NKAIN3: variants seen among roughly 807,000 people sequenced by gnomAD.
NKAIN3 encodes sodium/potassium-transporting ATPase subunit beta-1-interacting protein 3.
NKAIN3 carries 25 observed loss-of-function variants against 30.2 expected under a neutral mutation model. The observed-to-expected ratio is 0.83, with a 90% CI of 0.60 to 1.16. The LOEUF is 1.16. NKAIN3 is among the 50% of genes most tolerant of loss of function. The pLI is 0.00. For missense variants in NKAIN3, 225 were observed against 254.1 expected, an observed-to-expected ratio of 0.89 and a Z score of 0.78; for synonymous variants, 91 against 89.6, an observed-to-expected ratio of 1.02 and a Z score of -0.09.
chr8:62,937,112 CA>C (rs112238478), intron 5 of NKAIN3, among the ~76,000 whole-genome samples: 5,617 of 151,700 alleles, frequency 0.037, 278 homozygotes, highest in East Asian at 0.12. Context: ...TTCAGTTGAC[CA>C]AAAACCCTTC....
At chr8:62,540,861 G>T (rs949385563) in intron 1 of NKAIN3, among the ~76,000 whole-genome samples, 83 of 151,982 alleles carry the variant, frequency 5.5e-4, no homozygotes, top group African/African-American at 2.0e-3. Flanking sequence ...AAGATGTTTT[G>T]TTTTTTCTTA....
At chr8:62,299,591 A>G (rs1813971146) in intron 1 of NKAIN3, among the ~76,000 whole-genome samples, 1 of 152,170 alleles carries the variant, frequency 6.6e-6, no homozygotes. Flanking sequence ...TATGAAGTCA[A>G]GATTTATATT....
intron 1 of NKAIN3, among the ~76,000 whole-genome samples, chr8:62,497,197 G>GA (rs35888712): frequency 0.074 from 11,166 of 151,846 alleles, 517 homozygotes; most frequent in African/African-American, 0.13. Context: ...ATTGCTATTA[G>GA]AAAAAATCAA....
At chr8:62,937,627 A>C (rs563331385) in intron 5 of NKAIN3, among the ~76,000 whole-genome samples, 1 of 152,198 alleles carries the variant, frequency 6.6e-6, no homozygotes, top group African/African-American at 2.4e-5. Flanking sequence ...ACGAGGAGAA[A>C]GAAACTCCCT....
intron 4 of NKAIN3, among the ~76,000 whole-genome samples, chr8:62,839,312 A>C (rs72653287): frequency 0.081 from 12,373 of 151,928 alleles, 557 homozygotes; most frequent in South Asian, 0.14. Context: ...TTAAAAAAAA[A>C]AAAACAAAAA....
At chr8:62,300,309 A>G (rs1030177773) in intron 1 of NKAIN3, among the ~76,000 whole-genome samples, 3 of 152,160 alleles carry the variant, frequency 2.0e-5, no homozygotes, top group African/African-American at 4.8e-5. Context: ...TGTATAAACA[A>G]TATTAAATTA....
chr8:62,783,616 T>C (rs1428148537), intron 4 of NKAIN3, among the ~76,000 whole-genome samples: 2 of 149,354 alleles, frequency 1.3e-5, no homozygotes, highest in East Asian at 3.9e-4. Context: ...TTTTTTTTTT[T>C]TTTTTTTTTG....
chr8:62,712,531 T>C (rs1814756096), intron 3 of NKAIN3, among the ~76,000 whole-genome samples: 1 of 152,000 alleles, frequency 6.6e-6, no homozygotes, highest in African/African-American at 2.4e-5. Flanking sequence ...AAGCCAGCAA[T>C]CACAGGCCTC....
chr8:62,852,504 T>G (rs1460846923), intron 4 of NKAIN3, among the ~76,000 whole-genome samples: 1 of 152,184 alleles, frequency 6.6e-6, no homozygotes, highest in East Asian at 1.9e-4. Context: ...AGCTTTTGAA[T>G]GTGTTTGCTC....
At chr8:62,786,073 C>G (rs186655271) in intron 4 of NKAIN3, among the ~76,000 whole-genome samples, 34 of 151,956 alleles carry the variant, frequency 2.2e-4, no homozygotes, top group Non-Finnish European at 3.7e-4. Flanking sequence ...ACCACACCCC[C>G]CTCCCTGCAA....
At chr8:62,879,454 C>T (rs1412390575) in intron 4 of NKAIN3, among the ~76,000 whole-genome samples, 3 of 152,150 alleles carry the variant, frequency 2.0e-5, no homozygotes, top group Non-Finnish European at 2.9e-5. Context: ...TTCTCCCATT[C>T]TGTAGGTTGC....
At chr8:62,673,123 C>T (rs1400636982) in intron 3 of NKAIN3, among the ~76,000 whole-genome samples, 1 of 152,200 alleles carries the variant, frequency 6.6e-6, no homozygotes, top group Non-Finnish European at 1.5e-5. Flanking sequence ...TGGGATTCAA[C>T]TCCATCTTTG....
At chr8:62,835,675 G>A (rs62509407) in intron 4 of NKAIN3, among the ~76,000 whole-genome samples, 16,793 of 151,872 alleles carry the variant, frequency 0.11, 988 homozygotes, top group African/African-American at 0.15. Flanking sequence ...GCTATTATTA[G>A]GAAGTCAAAA....
At chr8:62,520,031 A>G (rs1808107897) in intron 1 of NKAIN3, among the ~76,000 whole-genome samples, 1 of 152,080 alleles carries the variant, frequency 6.6e-6, no homozygotes, top group Non-Finnish European at 1.5e-5. Context: ...AAAATCTGAA[A>G]CAAACAAGAC....
chr8:62,801,178 T>G (rs566108145), intron 4 of NKAIN3, among the ~76,000 whole-genome samples: 1 of 152,192 alleles, frequency 6.6e-6, no homozygotes, highest in Non-Finnish European at 1.5e-5. Context: ...AGGCTCCACC[T>G]CTGGGGGCAG....
At chr8:62,681,411 A>G (rs1178768138) in intron 3 of NKAIN3, among the ~76,000 whole-genome samples, 1 of 152,206 alleles carries the variant, frequency 6.6e-6, no homozygotes, top group Non-Finnish European at 1.5e-5. Context: ...AGGGAGTTCT[A>G]GACATAGAGT....
intron 1 of NKAIN3, among the ~76,000 whole-genome samples, chr8:62,557,846 A>G (rs1168681629): frequency 6.6e-6 from 1 of 152,138 alleles, no homozygotes; most frequent in Non-Finnish European, 1.5e-5. Context: ...ATTTTCTCCC[A>G]CACTGTGGGT....
At chr8:62,793,327 G>A (rs778985206) in intron 4 of NKAIN3, among the ~76,000 whole-genome samples, 3 of 152,096 alleles carry the variant, frequency 2.0e-5, no homozygotes, top group Non-Finnish European at 4.4e-5. Flanking sequence ...TCCGTCAATT[G>A]ACATTTTTTA....
chr8:62,903,090 T>C (rs1199773962), intron 4 of NKAIN3, among the ~76,000 whole-genome samples: 2 of 152,210 alleles, frequency 1.3e-5, no homozygotes, highest in Non-Finnish European at 2.9e-5. Flanking sequence ...CCACAAGTGC[T>C]TCCCATACAC....
Sources: allele counts gnomAD v4.1 joint callset (sites outside exome capture counted in the v4.1 genomes callset), GRCh38; gene constraint gnomAD v4.1.1; transcripts MANE v1.5; gene names NCBI Gene and HGNC (gene_info 2026-07-23, HGNC 2026-07-21).